FAM219A: variants seen among roughly 807,000 people sequenced by gnomAD.
FAM219A encodes the protein protein FAM219A.
A neutral mutation model predicts 23.4 loss-of-function variants in FAM219A; 7 were observed. The observed-to-expected ratio is 0.30, with a 90% CI of 0.17 to 0.56. The LOEUF is 0.56. FAM219A is among the 20% of genes least tolerant of loss of function. FAM219A has a pLI of 0.92. For missense variants in FAM219A, 166 were observed against 246.9 expected (o/e 0.67, Z 2.20); for synonymous variants, 93 against 99.0 (o/e 0.94, Z 0.36).
intron 2 of FAM219A, among the ~76,000 whole-genome samples, chr9:34,404,610 A>G (rs576564402): frequency 6.6e-6 from 1 of 152,192 alleles, no homozygotes; most frequent in Non-Finnish European, 1.5e-5. Flanking sequence ...TGAGAGGCTG[A>G]GGCAGGAGAA....
chr9:34,418,200 T>TAA (rs536041489), intron 1 of FAM219A, among the ~76,000 whole-genome samples: 2 of 127,086 alleles, frequency 1.6e-5, no homozygotes, highest in Non-Finnish European at 1.7e-5. Flanking sequence ...AGTGAGATGG[T>TAA]AAAAAAAAAA....
In FAM219A at chr9:34,400,962, C is replaced by T. The variant is rs1040769512; in HGVS notation, c.*2G>A. On this transcript the variant is annotated 3_prime_UTR_variant, in exon 6 of 6. Transcript: ENST00000651358. ...CCCCGGCGACCGCAGTGGCCCCGCC[C>T]GCTACTGAATGTGGCAGGCGGTGGA... 18 of 1,537,902 alleles carry T rather than the reference C, an allele frequency of 1.2e-5. No individual in the cohort carries two copies. The highest frequency in any genetic ancestry group is 6.9e-5 in the African/African-American group (5 of 72,008).
At chr9:34,415,299 C>T (rs1008060139) in intron 1 of FAM219A, among the ~76,000 whole-genome samples, 10 of 152,154 alleles carry the variant, frequency 6.6e-5, no homozygotes, top group Non-Finnish European at 1.3e-4. Context: ...TCCAACTGGT[C>T]TTGGGAGTAG....
intron 1 of FAM219A, among the ~76,000 whole-genome samples, chr9:34,433,509 G>T (rs931901088): frequency 2.6e-5 from 4 of 152,086 alleles, no homozygotes; most frequent in Admixed American, 1.3e-4. Context: ...ACTGTTAAAA[G>T]ACTCTTCTGA....
At chr9:34,413,142 A>G (rs539429695) in intron 1 of FAM219A, among the ~76,000 whole-genome samples, 42 of 151,708 alleles carry the variant, frequency 2.8e-4, no homozygotes, top group African/African-American at 9.2e-4. Context: ...AGTCTCCTTA[A>G]CAAAACAGAA....
chr9:34,399,144 T>A lies in FAM219A; in HGVS notation c.*1820A>T, dbSNP rs1821332068. On this transcript the variant is annotated 3_prime_UTR_variant, in exon 6 of 6. Coordinates refer to ENST00000651358, the MANE Select transcript of FAM219A (RefSeq NM_001184940.2). ...GTGGGCTGTGGGTGAGTCTACTGCA[T>A]GCCTGCAGCATGTGAGTGGATCCAT... 6.6e-6 allele frequency: 1 copy of A among 152,312 alleles called. No homozygotes were observed. Among genetic ancestry groups the A allele is most frequent in the Non-Finnish European group, 1.5e-5 (1 of 68,176 alleles). The allele number at this position is 152,312 out of a possible 1,614,324, so 9.4% of individuals were successfully genotyped here. A position where few individuals can be genotyped will look rare whatever the true frequency, so the allele number is the denominator to read the frequency against.
chr9:34,416,251 G>GAAAGA (rs1564003347), intron 1 of FAM219A, among the ~76,000 whole-genome samples: 1 of 126,888 alleles, frequency 7.9e-6, no homozygotes, highest in African/African-American at 3.0e-5. Context: ...AAGAAAGAAA[G>GAAAGA]AAAGAAAGGG....
chr9:34,401,614 T>G (rs1331256913), intron 5 of FAM219A, 52 bp downstream of exon 5: 3 of 1,567,458 alleles, frequency 1.9e-6, no homozygotes, highest in Non-Finnish European at 2.6e-6. Flanking sequence ...TCCCCCGGGA[T>G]GGCAGTGATC....
chr9:34,454,590 C>T (rs1199156748), intron 1 of FAM219A, among the ~76,000 whole-genome samples: 5 of 152,004 alleles, frequency 3.3e-5, no homozygotes, highest in South Asian at 4.2e-4. Context: ...GGCAAACTCC[C>T]ACCAGAGACA....
intron 1 of FAM219A, among the ~76,000 whole-genome samples, chr9:34,436,382 T>C (rs1822920528): frequency 6.6e-6 from 1 of 152,028 alleles, no homozygotes; most frequent in African/African-American, 2.4e-5. Context: ...CAGCTGGGAC[T>C]ACAGGCACAT....
intron 1 of FAM219A, among the ~76,000 whole-genome samples, chr9:34,426,924 A>T (rs1822504170): frequency 6.7e-6 from 1 of 149,976 alleles, no homozygotes; most frequent in South Asian, 2.1e-4. Context: ...AAGATGGAAC[A>T]GCAGTTTGGG....
At chr9:34,407,219 TTGAC>T (rs1158057055) in intron 1 of FAM219A, among the ~76,000 whole-genome samples, 1 of 152,054 alleles carries the variant, frequency 6.6e-6, no homozygotes, top group Non-Finnish European at 1.5e-5. Context: ...GGACCAAATA[TTGAC>T]AGGGGTGCTG....
intron 1 of FAM219A, among the ~76,000 whole-genome samples, chr9:34,452,458 C>T (rs1823592931): frequency 6.6e-6 from 1 of 152,186 alleles, no homozygotes; most frequent in Admixed American, 6.5e-5. Flanking sequence ...TAATTCTCTA[C>T]CTCTCCATTC....
At chr9:34,427,701 C>T (rs1479004159) in intron 1 of FAM219A, among the ~76,000 whole-genome samples, 1 of 152,204 alleles carries the variant, frequency 6.6e-6, no homozygotes, top group Non-Finnish European at 1.5e-5. Flanking sequence ...GTGGCAAACA[C>T]TCCTGACCTA....
At chr9:34,433,886 G>A (rs188155387) in intron 1 of FAM219A, among the ~76,000 whole-genome samples, 22 of 152,226 alleles carry the variant, frequency 1.4e-4, no homozygotes, top group Middle Eastern at 3.4e-3. Flanking sequence ...TGCCCTCCCC[G>A]TTGCTCAGGT....
chr9:34,401,870 G>T (rs368882416), intron 4 of FAM219A, 150 bp from the exon 5 acceptor site: 4 of 915,110 alleles, frequency 4.4e-6, no homozygotes, highest in Non-Finnish European at 1.7e-6. Context: ...CTGTGCAAAT[G>T]CAGGATTTTA....
chr9:34,402,670 T>C (rs1821490941), intron 3 of FAM219A, 35 bp downstream of exon 3: 1 of 1,609,794 alleles, frequency 6.2e-7, no homozygotes, highest in South Asian at 1.1e-5. Context: ...AGGTCCTGGC[T>C]GGCAGGGTCC....
chr9:34,457,649 A>C lies in FAM219A; in HGVS notation c.60+555T>G, dbSNP rs1189662778. ...CTGGTCTGCCTGCGCTCCCCACCGG[A>C]GAACGGAATTCCCAGGTTCTGCACC... is the stretch of plus-strand genomic sequence containing the variant. On this transcript the variant is annotated intron_variant, in intron 1 of 5. Transcript: ENST00000651358. The surrounding 1 kb of genome is among the most constrained non-coding windows in gnomAD (Gnocchi z 5.1). 2.0e-5 allele frequency among the ~76,000 whole-genome samples: 3 copies of C among 151,902 alleles called. No homozygotes were observed. The highest frequency in any genetic ancestry group is 7.3e-5 in the African/African-American group (3 of 41,328).
chr9:34,419,043 C>A (rs1411745179), intron 1 of FAM219A, among the ~76,000 whole-genome samples: 2 of 152,048 alleles, frequency 1.3e-5, no homozygotes, highest in Admixed American at 6.6e-5. Context: ...CCACTGCACT[C>A]CAACTTGGGT....
Sources: allele counts gnomAD v4.1 joint callset (sites outside exome capture counted in the v4.1 genomes callset), GRCh38; gene constraint gnomAD v4.1.1; non-coding constraint Gnocchi (gnomAD v3.1); transcripts MANE v1.5; gene names NCBI Gene and HGNC (gene_info 2026-07-23, HGNC 2026-07-21).